The following ETFDH variants were observed in gnomAD, a reference collection of about 807,000 sequenced individuals.
ETFDH encodes the protein electron transfer flavoprotein-ubiquinone oxidoreductase, mitochondrial.
In ETFDH, 61 loss-of-function variants were observed where a neutral mutation model predicts 73.2. The ratio of observed to expected loss-of-function variants is 0.83; its 90% confidence interval spans 0.68 to 1.03. The LOEUF (loss-of-function observed/expected upper bound fraction) is 1.03. Ranked by LOEUF, ETFDH falls within the 50% of genes least tolerant of loss-of-function variation. The probability of loss-of-function intolerance (pLI) is 0.00; values close to 1 mark genes in which losing one functional copy is unlikely to be tolerated. For missense variants in ETFDH, 685 were observed against 745.0 expected, an observed-to-expected ratio of 0.92 and a Z score of 0.94; for synonymous variants, 243 against 253.3, an observed-to-expected ratio of 0.96 and a Z score of 0.39.
chr4:158,705,505 T>C (rs1483161183), intron 10 of ETFDH, among the ~76,000 whole-genome samples: 1 of 152,182 alleles, frequency 6.6e-6, no homozygotes, highest in African/African-American at 2.4e-5. Context: ...CAAAACCTAT[T>C]TTGGGGGGAC....
Position 158,708,419 on chromosome 4 carries a change from T to A in ETFDH, c.1746T>A (p.Asn582Lys). Reference sequence around the variant, plus strand: ...GTGATGGATTTCGGTTACAGATAAATGCTCAGAACTGTGTACATTGTAAAA... The same window carrying A: ...GTGATGGATTTCGGTTACAGATAAAAGCTCAGAACTGTGTACATTGTAAAA... ...EQGDGFRLQI[N>K]AQNCVHCKTC... The change falls in exon 13 of 13, where the codon AAT becomes AAA. Residue 582 changes from asparagine to lysine, a missense_variant. Asn to Lys is a moderately conservative substitution (Grantham distance 94). Coordinates refer to ENST00000511912, the MANE Select transcript of ETFDH (RefSeq NM_004453.4). The A allele has an allele frequency of 1.2e-6, 2 of 1,611,456 alleles. No homozygotes were observed. Among genetic ancestry groups the A allele is most frequent in the Non-Finnish European group, 1.7e-6 (2 of 1,177,608 alleles).
At position 158,703,446 on chromosome 4, in the gene ETFDH, T is replaced by C; in HGVS notation, c.1140T>C (p.Pro380=). The change falls in exon 10 of 13, where the codon CCT becomes CCC. Residue 380 remains proline (P), a synonymous_variant. Coordinates refer to ENST00000511912, the MANE Select transcript of ETFDH (RefSeq NM_004453.4). ...GFQSIPKLTF[P]GGLLIGCSPG... The stretch of plus-strand genomic sequence containing the variant: ...AGTCTATACCAAAACTCACCTTTCC[T>C]GGTGGTTTACTAATTGGTTGTAGTC... 1 of 1,612,144 alleles carries C rather than the reference T, an allele frequency of 6.2e-7. No homozygotes were observed. Among genetic ancestry groups the C allele is most frequent in the Non-Finnish European group, 8.5e-7 (1 of 1,178,236 alleles).
In ETFDH at chr4:158,703,438, AC is replaced by A. The variant is rs1369800014; in HGVS notation, c.1134del (p.Pro380LeufsTer5). On this transcript the variant is annotated frameshift_variant, in exon 10 of 13. Transcript: ENST00000511912. LOFTEE classifies it high-confidence loss of function. ...EGGFQSIPKL[T>X]FPGGLLIGCS... ...GTTTCCTCAGTCTATACCAAAACTC[AC>A]CTTTCCTGGTGGTTTACTAATTGGT... is the stretch of plus-strand genomic sequence containing the variant. 9 of 1,611,506 alleles carry A rather than the reference AC, an allele frequency of 5.6e-6. No homozygotes were observed. Among genetic ancestry groups the A allele is most frequent in the Non-Finnish European group, 5.9e-6 (7 of 1,177,712 alleles).
Position 158,672,477 on chromosome 4 carries a change from G to A in ETFDH, c.21G>A (p.Lys7=), listed in dbSNP as rs1232501551. 4 of 1,614,168 alleles carry A rather than the reference G, an allele frequency of 2.5e-6. No homozygotes were observed. Among genetic ancestry groups the A allele is most frequent in the South Asian group, 1.1e-5 (1 of 91,082 alleles). The change falls in exon 1 of 13, where the codon AAG becomes AAA. Residue 7 remains lysine (K), a synonymous_variant. Coordinates refer to ENST00000511912, the MANE Select transcript of ETFDH (RefSeq NM_004453.4). ...TGAACATGCTGGTGCCGCTAGCCAA[G>A]CTGTCCTGCCTGGGTGAGAGGAAAC... MLVPLA[K]LSCLAYQCFH...
At chr4:158,677,942 G>A (rs181813601) in intron 1 of ETFDH, among the ~76,000 whole-genome samples, 1 of 152,254 alleles carries the variant, frequency 6.6e-6, no homozygotes, top group East Asian at 1.9e-4. Flanking sequence ...TCTTCAAAGA[G>A]TTTTATGGTT....
At chr4:158,681,927 T>C in intron 2 of ETFDH, 1 of 467,324 alleles carries the variant, frequency 2.1e-6, no homozygotes, top group Non-Finnish European at 3.8e-6. Context: ...GACTGTATTT[T>C]ACACAAGTAA....
At chr4:158,703,326 CCT>C in intron 9 of ETFDH, 95 bp from the exon 10 acceptor site, 1 of 870,240 alleles carries the variant, frequency 1.1e-6, no homozygotes, top group Non-Finnish European at 1.9e-6. Context: ...TCAGCCTTTC[CCT>C]ACAGCTCTAG....
At chr4:158,684,267 A>G (rs1773941884) in intron 3 of ETFDH, among the ~76,000 whole-genome samples, 1 of 152,034 alleles carries the variant, frequency 6.6e-6, no homozygotes, top group African/African-American at 2.4e-5. Flanking sequence ...GCAGGTGCCT[A>G]TAAGCCCAGC....
At chr4:158,678,793 G>T (rs115418898) in intron 1 of ETFDH, among the ~76,000 whole-genome samples, 1,766 of 151,994 alleles carry the variant, frequency 0.012, 26 homozygotes, top group African/African-American at 0.038. Context: ...GACTGCAGGT[G>T]CATACCACCA....
Position 158,698,356 on chromosome 4 carries a change from A to G in ETFDH, c.973-631A>G, listed in dbSNP as rs148926488. Among the ~76,000 whole-genome samples, 467 of 152,332 alleles carry G rather than the reference A, an allele frequency of 3.1e-3. 1 individual carries two copies. Among genetic ancestry groups the G allele is most frequent in the African/African-American group, 0.011 (445 of 41,584 alleles). ...TTTTTGACCCCCCAGTCCAATGTTCATCCCATCACCTTTGGATATTTATTC... is the reference window on the plus strand; with the variant it reads ...TTTTTGACCCCCCAGTCCAATGTTCGTCCCATCACCTTTGGATATTTATTC... On this transcript the variant is annotated intron_variant, in intron 8 of 12. Transcript: ENST00000511912.
chr4:158,684,257 G>A (rs1773941680), intron 3 of ETFDH, among the ~76,000 whole-genome samples: 1 of 152,096 alleles, frequency 6.6e-6, no homozygotes, highest in African/African-American at 2.4e-5. Context: ...CAGCATGGTG[G>A]CAGGTGCCTA....
intron 1 of ETFDH, chr4:158,680,172 G>T: frequency 4.8e-6 from 1 of 209,562 alleles, no homozygotes; most frequent in Non-Finnish European, 9.7e-6. Flanking sequence ...TAAAGCCATT[G>T]ACCTAACACG....
chr4:158,673,030 G>A (rs1773618287), intron 1 of ETFDH, among the ~76,000 whole-genome samples: 1 of 152,174 alleles, frequency 6.6e-6, no homozygotes, highest in African/African-American at 2.4e-5. Context: ...AGGGCTGGGC[G>A]TGGTGGCTCA....
intron 5 of ETFDH, among the ~76,000 whole-genome samples, chr4:158,685,970 G>C (rs1237860627): frequency 6.6e-6 from 1 of 152,170 alleles, no homozygotes; most frequent in Non-Finnish European, 1.5e-5. Context: ...TGTTTGTCTA[G>C]GTGTAGTTGC....
intron 1 of ETFDH, among the ~76,000 whole-genome samples, chr4:158,673,197 A>G (rs1235732813): frequency 6.6e-6 from 1 of 152,180 alleles, no homozygotes; most frequent in African/African-American, 2.4e-5. Context: ...CCAGCTACTC[A>G]GGAGGCTTAG....
At chr4:158,684,914 T>C in intron 4 of ETFDH, 187 bp from the exon 5 acceptor site, 1 of 619,310 alleles carries the variant, frequency 1.6e-6, no homozygotes, top group Non-Finnish European at 2.9e-6. Flanking sequence ...ACTTAGTGCT[T>C]TAATGTTGTT....
At chr4:158,683,006 CATTTTGTATTTTGAGGGT>C (rs1773904673) in intron 3 of ETFDH, among the ~76,000 whole-genome samples, 1 of 152,074 alleles carries the variant, frequency 6.6e-6, no homozygotes, top group Admixed American at 6.5e-5. Context: ...TCTTGGGAGG[CATTTTGTATTTTGAGGGT>C]ATTTTTAAAC....
At chr4:158,684,481 AG>A (rs1773948759) in intron 3 of ETFDH, 110 bp from the exon 4 acceptor site, 2 of 626,438 alleles carry the variant, frequency 3.2e-6, no homozygotes, top group South Asian at 1.9e-5. Context: ...AAAGAAAATT[AG>A]GGGGGAGTTC....
chr4:158,685,503 G>C lies in ETFDH; in HGVS notation c.606+284G>C, dbSNP rs562285968. On this transcript the variant is annotated intron_variant, in intron 5 of 12. Transcript: ENST00000511912. ...TTATTTTGAACAGAACTTACCTATG[G>C]TTTTATACTATCCAGAACAAATCTA... is the stretch of plus-strand genomic sequence containing the variant. 3.4e-4 allele frequency among the ~76,000 whole-genome samples: 51 copies of C among 152,216 alleles called. 2 individuals are homozygous for C. The South Asian group carries it at 0.011, about 32-fold the overall frequency.
Sources: gnomAD v4.1 joint callset for allele counts (sites outside exome capture counted in the v4.1 genomes callset) on GRCh38, gnomAD v4.1.1 for gene constraint, MANE v1.5 for transcripts, NCBI Gene and HGNC (gene_info 2026-07-23, HGNC 2026-07-21) for gene names.